Variants in RPS6KA2 observed in about 807,000 individuals in gnomAD.
RPS6KA2 encodes ribosomal protein S6 kinase alpha-2.
In RPS6KA2, 42 loss-of-function variants were observed where a neutral mutation model predicts 91.8. The ratio of observed to expected loss-of-function variants is 0.46; its 90% CI spans 0.36 to 0.59. The LOEUF (loss-of-function observed/expected upper bound fraction) is 0.59. RPS6KA2 is among the 20% of genes least tolerant of loss of function. The pLI is 0.00. For missense variants in RPS6KA2, 798 were observed against 978.5 expected (o/e 0.82, Z 2.46); for synonymous variants, 414 against 393.6 (o/e 1.05, Z -0.61).
chr6:166,637,276 C>T (rs1023113823), intron 2 of RPS6KA2, among the ~76,000 whole-genome samples: 3 of 152,324 alleles, frequency 2.0e-5, no homozygotes, highest in Non-Finnish European at 4.4e-5. Flanking sequence ...TCCTACAGGC[C>T]GGGCCTGGGC....
chr6:166,557,231 C>T lies in RPS6KA2; in HGVS notation c.100-18447G>A, dbSNP rs1784202760. Among the ~76,000 whole-genome samples, 1 of 152,248 alleles carries T rather than the reference C, an allele frequency of 6.6e-6. No homozygotes were observed. The highest frequency in any genetic ancestry group is 1.5e-5 in the Non-Finnish European group (1 of 68,044). On this transcript the variant is annotated intron_variant, in intron 1 of 20. Transcript: ENST00000265678. This position sits in a 1 kb window ranked among gnomAD's most constrained non-coding sequence, Gnocchi z 4.8. ...AGCCAACAGGCAGAGGCAGCTGCAGCCTGAGTGCGCAGAGGGTAGCTCCTG... is the reference window on the plus strand; with the variant it reads ...AGCCAACAGGCAGAGGCAGCTGCAGTCTGAGTGCGCAGAGGGTAGCTCCTG...
At chr6:166,547,171 G>A (rs1399621450) in intron 1 of RPS6KA2, among the ~76,000 whole-genome samples, 2 of 152,188 alleles carry the variant, frequency 1.3e-5, no homozygotes, top group African/African-American at 4.8e-5. Context: ...GACGCTTGCT[G>A]GGGTAAGAGA....
At position 166,639,186 on chromosome 6, in the gene RPS6KA2, C is replaced by T. The variant is rs560677046; in HGVS notation, c.124-100402G>A. ...GACTCCCAAATATGAGAATTTGTAT[C>T]TGAAAACTCCCCTATTCAACTGTAT... On this transcript the variant is annotated intron_variant, in intron 2 of 21. Transcript: ENST00000503859. The surrounding 1 kb of genome is among the most constrained non-coding windows in gnomAD (Gnocchi z 4.2). 1.3e-5 allele frequency among the ~76,000 whole-genome samples: 2 copies of T among 152,310 alleles called. No individual in the cohort carries two copies. The highest frequency in any genetic ancestry group is 1.9e-4 in the East Asian group (1 of 5,188).
intron 2 of RPS6KA2, among the ~76,000 whole-genome samples, chr6:166,705,201 G>A (rs1341422211): frequency 1.3e-5 from 2 of 152,212 alleles, no homozygotes; most frequent in Non-Finnish European, 2.9e-5. Flanking sequence ...TCCACAGATG[G>A]TATCCGTCCA....
intron 2 of RPS6KA2, among the ~76,000 whole-genome samples, chr6:166,727,756 C>T (rs1023865158): frequency 3.9e-5 from 6 of 152,016 alleles, no homozygotes; most frequent in African/African-American, 1.5e-4. Flanking sequence ...TAATGTGGCC[C>T]CCTGGCCTGG....
At chr6:166,588,635 G>A (rs1307377980) in intron 1 of RPS6KA2, among the ~76,000 whole-genome samples, 2 of 152,180 alleles carry the variant, frequency 1.3e-5, no homozygotes, top group Non-Finnish European at 2.9e-5. Flanking sequence ...ATTCCTATTT[G>A]TACAGAAAAA....
At chr6:166,417,713 A>C (rs1778586090) in intron 19 of RPS6KA2, among the ~76,000 whole-genome samples, 1 of 152,118 alleles carries the variant, frequency 6.6e-6, no homozygotes, top group Non-Finnish European at 1.5e-5. Flanking sequence ...ATAGTGGAAA[A>C]TGTGAAAATG....
Position 166,490,547 on chromosome 6 carries a change from AC to A in RPS6KA2, c.818+123del. On this transcript the variant is annotated intron_variant, in intron 9 of 20. Transcript: ENST00000265678. The surrounding 1 kb of genome is among the most constrained non-coding windows in gnomAD (Gnocchi z 4.2). The stretch of plus-strand genomic sequence containing the variant: ...ACCAGTGACTTTTAGAAAACAGCTT[AC>A]AATACTTTGGCACTGTAAGCCTAGC... 1.4e-6 allele frequency: 1 copy of A among 722,622 alleles called. No individual in the cohort carries two copies. 44.8% of individuals were successfully genotyped at this position (722,622 alleles called of 1,614,324 possible). A position where few individuals can be genotyped will look rare whatever the true frequency, so the allele number is the denominator to read the frequency against.
chr6:166,443,726 A>C (rs2128451904), intron 14 of RPS6KA2, among the ~76,000 whole-genome samples: 1 of 152,302 alleles, frequency 6.6e-6, no homozygotes, highest in East Asian at 1.9e-4. Flanking sequence ...CGTATGGTCT[A>C]TGCTTGAGCA....
In RPS6KA2 at chr6:166,660,390, ATGCG is replaced by A. The variant is rs57825632; in HGVS notation, c.124-121610_124-121607del. Among the ~76,000 whole-genome samples, 353 of 85,750 alleles carry A rather than the reference ATGCG, an allele frequency of 4.1e-3. 4 individuals are homozygous for A. Among genetic ancestry groups the A allele is most frequent in the African/African-American group, 0.013 (332 of 26,342 alleles). The allele number at this position is 85,750 out of a possible 152,430, so 56.3% of individuals were successfully genotyped here. On this transcript the variant is annotated intron_variant, in intron 2 of 21. Transcript: ENST00000503859. ...TGCATGTGTGTGCATGTGTATGGGC[ATGCG>A]TGCGTGTGTGTGTGTGTGTGTGTGT...
At chr6:166,640,466 C>T (rs944561638) in intron 2 of RPS6KA2, among the ~76,000 whole-genome samples, 4 of 152,292 alleles carry the variant, frequency 2.6e-5, no homozygotes, top group African/African-American at 7.2e-5. Flanking sequence ...CCCTGTGGTG[C>T]GGTCTCCTCC....
rs1785549698 is a variant in RPS6KA2, at chr6:166,596,822, G to A, written c.99+30099C>T. Among the ~76,000 whole-genome samples the A allele has an allele frequency of 2.6e-5, 4 of 152,294 alleles. No individual in the cohort carries two copies. In the South Asian group the frequency reaches 6.2e-4, roughly 24 times the overall value. Reference sequence around the variant, plus strand: ...CTAATACACTCTGTGAGGAAACACTGGGCCTGAATATGGGAGACAAACAGG... The same window carrying A: ...CTAATACACTCTGTGAGGAAACACTAGGCCTGAATATGGGAGACAAACAGG... On this transcript the variant is annotated intron_variant, in intron 1 of 20. Transcript: ENST00000265678.
At position 166,430,441 on chromosome 6, in the gene RPS6KA2, C is replaced by T. The variant is rs200262603; in HGVS notation, c.1581+12G>A. 7.2e-4 allele frequency: 1,159 copies of T among 1,603,106 alleles called. 1 individual carries two copies. The highest frequency in any genetic ancestry group is 9.0e-4 in the Non-Finnish European group (1,055 of 1,173,112). ...CCTCCTCCCCGAAGGCTGCCCCAGGCATGGCTCCTACCCCCTGGGAATGGA... is the reference window on the plus strand; with the variant it reads ...CCTCCTCCCCGAAGGCTGCCCCAGGTATGGCTCCTACCCCCTGGGAATGGA... On this transcript the variant is annotated intron_variant, in intron 16 of 20. Transcript: ENST00000265678.
rs201856165 is a variant in RPS6KA2, at chr6:166,500,873, C to T, written c.604+14G>A. On this transcript the variant is annotated intron_variant, in intron 7 of 20. Coordinates refer to ENST00000265678, the MANE Select transcript of RPS6KA2 (RefSeq NM_021135.6). The surrounding 1 kb of genome is among the most constrained non-coding windows in gnomAD (Gnocchi z 4.3). ...AGATGAAGCCATGGAGGGGGCCTGC[C>T]GTCTTTTACAAACCTGTGATCTTAA... The T allele has an allele frequency of 3.3e-5, 54 of 1,613,286 alleles. No homozygotes were observed. The Middle Eastern group carries it at 5.0e-4, about 15-fold the overall frequency.
chr6:166,745,835 G>A (rs560248752), intron 2 of RPS6KA2, among the ~76,000 whole-genome samples: 3 of 152,286 alleles, frequency 2.0e-5, no homozygotes, highest in East Asian at 1.9e-4. Context: ...ATTATCTACC[G>A]AAATGTGGAG....
chr6:166,846,054 A>C (rs903525234), intron 2 of RPS6KA2, among the ~76,000 whole-genome samples: 1 of 152,206 alleles, frequency 6.6e-6, no homozygotes, highest in Non-Finnish European at 1.5e-5. Context: ...AGAAATGCAA[A>C]AGATTTTTCA....
chr6:166,529,706 C>G (rs1316627270), intron 3 of RPS6KA2, among the ~76,000 whole-genome samples: 8 of 152,332 alleles, frequency 5.3e-5, no homozygotes, highest in Middle Eastern at 3.4e-3. Context: ...ACTGGGACAT[C>G]TTGTTTGAAA....
intron 2 of RPS6KA2, among the ~76,000 whole-genome samples, chr6:166,692,289 C>T (rs1054668356): frequency 3.3e-5 from 5 of 152,230 alleles, no homozygotes; most frequent in South Asian, 2.1e-4. Context: ...AAGCAAACAG[C>T]GCTTATCCTC....
chr6:166,784,613 G>A (rs4994274), intron 2 of RPS6KA2, among the ~76,000 whole-genome samples: 5 of 1,690 alleles, frequency 3.0e-3, no homozygotes, highest in African/African-American at 5.3e-3. Flanking sequence ...CACCTATGCA[G>A]AACCACATAT....
Sources: allele counts gnomAD v4.1 joint callset (sites outside exome capture counted in the v4.1 genomes callset), GRCh38; gene constraint gnomAD v4.1.1; non-coding constraint Gnocchi (gnomAD v3.1); transcripts MANE v1.5; gene names NCBI Gene and HGNC (gene_info 2026-07-23, HGNC 2026-07-21).